The following SGCZ variants were observed in gnomAD, a reference collection of about 807,000 sequenced individuals.
SGCZ encodes the protein sarcoglycan zeta, also known as zeta-sarcoglycan.
A neutral mutation model predicts 41.3 loss-of-function variants in SGCZ; 40 were observed. That is an observed-to-expected ratio of 0.97 (90% CI 0.75 to 1.26). The LOEUF (loss-of-function observed/expected upper bound fraction) is 1.26. Ranked by LOEUF, SGCZ falls within the 50% of genes most tolerant of loss-of-function variation. The pLI is 0.00. For missense variants in SGCZ, 552 were observed against 369.8 expected (o/e 1.49, Z -4.04); for synonymous variants, 206 against 137.5 (o/e 1.50, Z -3.49).
chr8:14,933,525 G>GCGTTCAC (rs1458739180), intron 1 of SGCZ, among the ~76,000 whole-genome samples: 7 of 141,208 alleles, frequency 5.0e-5, no homozygotes, highest in Non-Finnish European at 1.1e-4. Flanking sequence ...TCCGCCTCCC[G>GCGTTCAC]CGTTCACACC....
chr8:14,867,196 G>A (rs1585331537), intron 1 of SGCZ, among the ~76,000 whole-genome samples: 1 of 152,004 alleles, frequency 6.6e-6, no homozygotes, highest in African/African-American at 2.4e-5. Flanking sequence ...GCTTGTTTAT[G>A]AATTATAAGT....
intron 7 of SGCZ, among the ~76,000 whole-genome samples, chr8:14,091,587 A>C (rs542062999): frequency 5.7e-4 from 86 of 152,128 alleles, no homozygotes; most frequent in African/African-American, 2.0e-3. Flanking sequence ...GATGATGAGC[A>C]TTTTTTCATG....
At chr8:14,326,200 T>C (rs1443192574) in intron 2 of SGCZ, among the ~76,000 whole-genome samples, 1 of 150,500 alleles carries the variant, frequency 6.6e-6, no homozygotes, top group African/African-American at 2.4e-5. Context: ...GACAGATGTT[T>C]ATAAAACCAA....
At chr8:14,236,738 C>G (rs1806777048) in intron 4 of SGCZ, among the ~76,000 whole-genome samples, 1 of 151,414 alleles carries the variant, frequency 6.6e-6, no homozygotes, top group South Asian at 2.1e-4. Flanking sequence ...AATTTCTCTG[C>G]AGAACCAATA....
At chr8:14,539,548 T>C (rs1178994224) in intron 2 of SGCZ, among the ~76,000 whole-genome samples, 1 of 151,944 alleles carries the variant, frequency 6.6e-6, no homozygotes, top group Non-Finnish European at 1.5e-5. Flanking sequence ...TTTGCTTTTT[T>C]TTAAACTTAT....
intron 2 of SGCZ, among the ~76,000 whole-genome samples, chr8:14,436,821 G>C (rs1191271182): frequency 1.3e-5 from 2 of 152,194 alleles, no homozygotes; most frequent in Non-Finnish European, 2.9e-5. Context: ...GTGTGATTTA[G>C]CTGAAACCTG....
intron 2 of SGCZ, among the ~76,000 whole-genome samples, chr8:14,486,137 C>T (rs765841482): frequency 2.6e-5 from 4 of 152,128 alleles, no homozygotes; most frequent in Non-Finnish European, 4.4e-5. Context: ...GTTTTTCCCC[C>T]TCAAAGTTGT....
chr8:14,492,297 T>A (rs191918308), intron 2 of SGCZ, among the ~76,000 whole-genome samples: 33 of 152,318 alleles, frequency 2.2e-4, no homozygotes, highest in Non-Finnish European at 5.9e-5. Flanking sequence ...TGGGTAAGGA[T>A]TGGTATAAGC....
intron 3 of SGCZ, among the ~76,000 whole-genome samples, chr8:14,264,942 G>A (rs944886349): frequency 6.6e-6 from 1 of 152,138 alleles, no homozygotes; most frequent in African/African-American, 2.4e-5. Context: ...CGGCCTGGGT[G>A]ACAGAGCGAG....
At chr8:15,208,900 T>G (rs1393188519) in intron 1 of SGCZ, among the ~76,000 whole-genome samples, 2 of 129,264 alleles carry the variant, frequency 1.5e-5, no homozygotes, top group Non-Finnish European at 3.5e-5. Flanking sequence ...TATACATATA[T>G]ATAGAGAGAG....
rs192012512 is a variant in SGCZ at position 14,551,580 on chromosome 8, A to T, written c.234+3152T>A. On this transcript the variant is annotated intron_variant, in intron 2 of 7. Coordinates refer to ENST00000382080, the MANE Select transcript of SGCZ (RefSeq NM_139167.4). ...TATATTATATATATAATATATATAT[A>T]ATATATATAATATATATTATATATA... 9.8e-3 allele frequency among the ~76,000 whole-genome samples: 240 copies of T among 24,496 alleles called. 11 individuals are homozygous for T. The highest frequency in any genetic ancestry group is 0.026 in the African/African-American group (109 of 4,164). 16.1% of individuals were successfully genotyped at this position (24,496 alleles called of 152,430 possible). A position where few individuals can be genotyped will look rare whatever the true frequency, so the allele number is the denominator to read the frequency against.
intron 5 of SGCZ, among the ~76,000 whole-genome samples, chr8:14,139,344 A>G (rs932000422): frequency 6.6e-6 from 1 of 152,198 alleles, no homozygotes; most frequent in Non-Finnish European, 1.5e-5. Flanking sequence ...AACTAAGATC[A>G]GAGCAGAGCT....
At chr8:14,146,871 C>CAAAAAAAAAA (rs66592259) in intron 5 of SGCZ, among the ~76,000 whole-genome samples, 10 of 74,836 alleles carry the variant, frequency 1.3e-4, no homozygotes, top group African/African-American at 5.4e-4. Context: ...GACTCCGTCT[C>CAAAAAAAAAA]AAAAAATAAA....
At chr8:14,151,993 A>T (rs1396144865) in intron 5 of SGCZ, among the ~76,000 whole-genome samples, 1 of 152,122 alleles carries the variant, frequency 6.6e-6, no homozygotes, top group Non-Finnish European at 1.5e-5. Flanking sequence ...TTTAGGGAAA[A>T]ATGTAGAAAA....
At chr8:14,091,980 G>C (rs1801702196) in intron 7 of SGCZ, among the ~76,000 whole-genome samples, 1 of 152,120 alleles carries the variant, frequency 6.6e-6, no homozygotes, top group African/African-American at 2.4e-5. Context: ...AATCCATCTT[G>C]AGTTAGTTTT....
At chr8:14,660,001 A>G (rs1332794428) in intron 1 of SGCZ, among the ~76,000 whole-genome samples, 2 of 152,170 alleles carry the variant, frequency 1.3e-5, no homozygotes. Context: ...AAGGCAAGGA[A>G]CACCTGAGGC....
At chr8:14,737,165 G>GAT (rs1333572683) in intron 1 of SGCZ, among the ~76,000 whole-genome samples, 5 of 139,612 alleles carry the variant, frequency 3.6e-5, no homozygotes, top group Admixed American at 2.1e-4. Context: ...CTATATACCA[G>GAT]ATATATATAT....
intron 1 of SGCZ, among the ~76,000 whole-genome samples, chr8:15,175,799 G>A (rs565445111): frequency 6.6e-6 from 1 of 152,242 alleles, no homozygotes; most frequent in African/African-American, 2.4e-5. Flanking sequence ...AACACAGGCA[G>A]AATTTAGGTA....
At chr8:14,150,788 G>A (rs1330399721) in intron 5 of SGCZ, among the ~76,000 whole-genome samples, 1 of 152,176 alleles carries the variant, frequency 6.6e-6, no homozygotes, top group Non-Finnish European at 1.5e-5. Context: ...TCCATCAACA[G>A]ATGAATGGAT....
Sources: allele counts gnomAD v4.1 joint callset (sites outside exome capture counted in the v4.1 genomes callset), GRCh38; gene constraint gnomAD v4.1.1; transcripts MANE v1.5; gene names NCBI Gene and HGNC (gene_info 2026-07-23, HGNC 2026-07-21).